DPP10: variants seen among roughly 807,000 people sequenced by gnomAD.
The protein encoded by DPP10 is dipeptidyl peptidase like 10.
DPP10 carries 33 observed loss-of-function variants against 120.9 expected under a neutral mutation model. The observed-to-expected ratio is 0.27, with a 90% CI of 0.21 to 0.37. The LOEUF is 0.37. DPP10 is among the 10% of genes least tolerant of loss of function. DPP10 has a pLI of 1.00. For missense variants in DPP10, 816 were observed against 942.8 expected (o/e 0.87, Z 1.76); for synonymous variants, 337 against 326.1 (o/e 1.03, Z -0.36).
chr2:115,711,185 G>T (rs538178625), intron 7 of DPP10, among the ~76,000 whole-genome samples: 1 of 151,988 alleles, frequency 6.6e-6, no homozygotes, highest in Non-Finnish European at 1.5e-5. Context: ...TAGTGGATTC[G>T]CTGTCTTAGA....
chr2:115,569,988 A>G (rs2081246305), intron 5 of DPP10, among the ~76,000 whole-genome samples: 1 of 152,254 alleles, frequency 6.6e-6, no homozygotes, highest in Non-Finnish European at 1.5e-5. Context: ...AGTATTGTTT[A>G]AATCAAGTTT....
intron 1 of DPP10, among the ~76,000 whole-genome samples, chr2:114,574,379 C>G (rs1009147485): frequency 2.0e-5 from 3 of 152,138 alleles, no homozygotes; most frequent in Non-Finnish European, 1.5e-5. Context: ...CGCCGCTTGC[C>G]CACCACTCTC....
intron 2 of DPP10, among the ~76,000 whole-genome samples, chr2:115,342,822 T>C (rs549239181): frequency 1.1e-4 from 16 of 152,304 alleles, no homozygotes; most frequent in African/African-American, 3.4e-4. Flanking sequence ...TGGCAGTTAT[T>C]TTATGGGTTA....
At chr2:114,484,395 A>C (rs1288375694) in intron 1 of DPP10, among the ~76,000 whole-genome samples, 1 of 152,124 alleles carries the variant, frequency 6.6e-6, no homozygotes, top group Non-Finnish European at 1.5e-5. Context: ...AATTCATTTA[A>C]TTAGGTGAGA....
intron 1 of DPP10, among the ~76,000 whole-genome samples, chr2:115,219,037 CTTAT>C (rs1289636612): frequency 1.3e-5 from 2 of 152,034 alleles, no homozygotes; most frequent in African/African-American, 4.8e-5. Context: ...CATGCATTAT[CTTAT>C]TTATCAAAGT....
chr2:115,691,033 C>A (rs1236146624), intron 7 of DPP10, among the ~76,000 whole-genome samples: 1 of 152,054 alleles, frequency 6.6e-6, no homozygotes, highest in East Asian at 1.9e-4. Context: ...GCTAGAGCAA[C>A]TTTTCATATG....
chr2:115,244,239 TAGAGAGAGAGAGAGAG>T lies in DPP10; in HGVS notation c.61-64972_61-64957del, dbSNP rs67598156. ...GTGTATATATATATATATATATATA[TAGAGAGAGAGAGAGAG>T]AGAGAGAGAGAGAGAGAGAGAGAGA... On this transcript the variant is annotated intron_variant, in intron 1 of 25. Coordinates refer to ENST00000410059, the MANE Select transcript of DPP10 (RefSeq NM_020868.6). Among the ~76,000 whole-genome samples the T allele has an allele frequency of 5.3e-3, 497 of 93,454 alleles. 6 individuals are homozygous for T. The highest frequency in any genetic ancestry group is 0.016 in the African/African-American group (422 of 26,416). The allele number at this position is 93,454 out of a possible 152,430, so 61.3% of individuals were successfully genotyped here.
intron 3 of DPP10, among the ~76,000 whole-genome samples, chr2:115,476,765 C>T (rs2075112954): frequency 6.6e-6 from 1 of 152,106 alleles, no homozygotes; most frequent in Non-Finnish European, 1.5e-5. Context: ...TACAGAAATA[C>T]TCAACAAAAT....
intron 1 of DPP10, among the ~76,000 whole-genome samples, chr2:115,016,005 A>C (rs192225393): frequency 3.3e-5 from 5 of 152,254 alleles, no homozygotes; most frequent in Admixed American, 3.3e-4. Context: ...ACTACTCAAA[A>C]TTTCATATGG....
chr2:114,673,608 AC>A (rs1698486130), intron 1 of DPP10, among the ~76,000 whole-genome samples: 1 of 151,466 alleles, frequency 6.6e-6, no homozygotes, highest in African/African-American at 2.4e-5. Context: ...GATGCACACC[AC>A]CTCATCTGGC....
At chr2:115,520,951 A>G (rs2077767892) in intron 4 of DPP10, among the ~76,000 whole-genome samples, 1 of 152,194 alleles carries the variant, frequency 6.6e-6, no homozygotes, top group Non-Finnish European at 1.5e-5. Flanking sequence ...CAAACAACCT[A>G]GAAGTGCAAT....
chr2:115,235,289 G>T (rs1471557049), intron 1 of DPP10, among the ~76,000 whole-genome samples: 1 of 151,922 alleles, frequency 6.6e-6, no homozygotes, highest in East Asian at 1.9e-4. Context: ...TGATGTGAAT[G>T]GTAAAAATAA....
intron 1 of DPP10, among the ~76,000 whole-genome samples, chr2:114,613,781 T>C (rs568095548): frequency 6.6e-6 from 1 of 152,256 alleles, no homozygotes; most frequent in Admixed American, 6.5e-5. Context: ...TGGAATACTA[T>C]GCAGCCATAA....
intron 5 of DPP10, among the ~76,000 whole-genome samples, chr2:115,611,672 A>G (rs1423390289): frequency 6.6e-6 from 1 of 152,184 alleles, no homozygotes; most frequent in Non-Finnish European, 1.5e-5. Context: ...TCGAACTTTG[A>G]AGCATGTTAC....
At chr2:114,648,963 C>A (rs1296143252) in intron 1 of DPP10, among the ~76,000 whole-genome samples, 1 of 152,158 alleles carries the variant, frequency 6.6e-6, no homozygotes, top group Non-Finnish European at 1.5e-5. Flanking sequence ...AAGTATGATC[C>A]TTCTCATGAG....
intron 1 of DPP10, among the ~76,000 whole-genome samples, chr2:114,628,154 T>G (rs998980395): frequency 3.3e-5 from 5 of 152,288 alleles, no homozygotes; most frequent in Admixed American, 1.3e-4. Context: ...ACAGGTGACA[T>G]TATTTTCTTA....
At chr2:115,735,004 C>G (rs1200528043) in intron 8 of DPP10, among the ~76,000 whole-genome samples, 1 of 152,104 alleles carries the variant, frequency 6.6e-6, no homozygotes, top group Non-Finnish European at 1.5e-5. Context: ...GGAGAGAATG[C>G]TATACAATTT....
At chr2:114,553,326 A>G (rs11886546) in intron 1 of DPP10, among the ~76,000 whole-genome samples, 27,224 of 152,194 alleles carry the variant, frequency 0.18, 2,555 homozygotes, top group Non-Finnish European at 0.21. Context: ...GTTAAATCTT[A>G]TAAGTGGAAA....
rs145544075 is a variant in DPP10 at position 114,489,397 on chromosome 2, AC to A, written c.60+46560del. Among the ~76,000 whole-genome samples the A allele has an allele frequency of 2.7e-3, 404 of 152,322 alleles. 1 individual carries two copies. Among genetic ancestry groups the A allele is most frequent in the African/African-American group, 8.8e-3 (367 of 41,572 alleles). On this transcript the variant is annotated intron_variant, in intron 1 of 25. Coordinates refer to ENST00000410059, the MANE Select transcript of DPP10 (RefSeq NM_020868.6). Reference sequence around the variant, plus strand: ...CCCAACCACATGCGGATGAGCAGAAACAGCTGCATTTGCTGTAGCCAGGGGC... The same window carrying A: ...CCCAACCACATGCGGATGAGCAGAAAAGCTGCATTTGCTGTAGCCAGGGGC...
Sources: gnomAD v4.1 joint callset for allele counts (sites outside exome capture counted in the v4.1 genomes callset) on GRCh38, gnomAD v4.1.1 for gene constraint, MANE v1.5 for transcripts, NCBI Gene and HGNC (gene_info 2026-07-23, HGNC 2026-07-21) for gene names.